Variants in PCDHGA8 observed in about 807,000 individuals in gnomAD.
PCDHGA8 encodes the protein protocadherin gamma subfamily A, 8, also known as protocadherin gamma-A8.
A neutral mutation model predicts 59.2 loss-of-function variants in PCDHGA8; 45 were observed. The observed-to-expected ratio is 0.76, with a 90% CI of 0.60 to 0.98. The LOEUF is 0.98. Ranked by LOEUF, PCDHGA8 falls within the 50% of genes least tolerant of loss-of-function variation. PCDHGA8 has a pLI of 0.00. For synonymous variants in PCDHGA8, 531 were observed against 519.0 expected (o/e 1.02, Z -0.32); for missense variants, 1,257 against 1,196.2 (o/e 1.05, Z -0.75).
At chr5:141,419,014 C>A (rs1332175722) in intron 1 of PCDHGA8, 1 of 1,613,780 alleles carries the variant, frequency 6.2e-7, no homozygotes, top group Non-Finnish European at 8.5e-7. Flanking sequence ...TCAGGTGTAG[C>A]TTAAGTAGAG....
Position 141,489,434 on chromosome 5 carries a change from A to G in PCDHGA8, c.2425-5373A>G. On this transcript the variant is annotated intron_variant, in intron 1 of 3. Transcript: ENST00000398604. This position sits in a 1 kb window ranked among gnomAD's most constrained non-coding sequence, Gnocchi z 4.5. ...ACAGATCTGTTGAGCCGGCGGCTGC[A>G]ATTGGGCTCTGAGGAGAATGGGCGC... 6.2e-7 allele frequency: 1 copy of G among 1,614,138 alleles called. No individual in the cohort carries two copies. The highest frequency in any genetic ancestry group is 8.5e-7 in the Non-Finnish European group (1 of 1,180,044).
Position 141,490,270 on chromosome 5 carries a change from A to G in PCDHGA8, c.2425-4537A>G. On this transcript the variant is annotated intron_variant, in intron 1 of 3. Coordinates refer to ENST00000398604, the MANE Select transcript of PCDHGA8 (RefSeq NM_032088.2). The surrounding 1 kb of genome is among the most constrained non-coding windows in gnomAD (Gnocchi z 5.4). The stretch of plus-strand genomic sequence containing the variant: ...GATTCAAGTGGATGTGGGGGATGTC[A>G]ATGACAATGCCCCAGAGGTGCTATT... The G allele has an allele frequency of 6.2e-7, 1 of 1,614,226 alleles. No individual in the cohort carries two copies. Among genetic ancestry groups the G allele is most frequent in the African/African-American group, 1.3e-5 (1 of 75,060 alleles).
At chr5:141,483,487 A>G (rs777951096) in intron 1 of PCDHGA8, among the ~76,000 whole-genome samples, 4 of 152,006 alleles carry the variant, frequency 2.6e-5, no homozygotes, top group Non-Finnish European at 5.9e-5. Context: ...AGTGAGGGAC[A>G]GGGATGAGTC....
intron 1 of PCDHGA8, among the ~76,000 whole-genome samples, chr5:141,460,995 A>G (rs566978077): frequency 1.1e-4 from 17 of 150,188 alleles, no homozygotes; most frequent in South Asian, 2.1e-4. Flanking sequence ...ATATATATAT[A>G]TGTGTATATA....
At chr5:141,421,376 C>T in intron 1 of PCDHGA8, 2 of 1,614,030 alleles carry the variant, frequency 1.2e-6, no homozygotes, top group Non-Finnish European at 1.7e-6. Context: ...GGCAATATCT[C>T]CAAGGACCTG....
At chr5:141,505,282 G>C (rs73280377) in intron 2 of PCDHGA8, 111 bp from the exon 3 acceptor site, 37,017 of 1,544,812 alleles carry the variant, frequency 0.024, 1,115 homozygotes, top group African/African-American at 0.15. Context: ...AACAGGTCTT[G>C]GGCATGGGGT....
intron 3 of PCDHGA8, among the ~76,000 whole-genome samples, chr5:141,507,802 T>G (rs886950696): frequency 6.6e-6 from 1 of 152,204 alleles, no homozygotes; most frequent in African/African-American, 2.4e-5. Context: ...GCCTGCGCCC[T>G]GGGGAACGGA....
intron 1 of PCDHGA8, chr5:141,414,764 A>G: frequency 6.2e-7 from 1 of 1,614,194 alleles, no homozygotes; most frequent in Non-Finnish European, 8.5e-7. Flanking sequence ...GAGCAGTTTC[A>G]TGAGCTACAG....
intron 1 of PCDHGA8, chr5:141,414,562 A>G (rs770740530): frequency 3.1e-6 from 5 of 1,613,924 alleles, no homozygotes; most frequent in Non-Finnish European, 4.2e-6. Context: ...CTCCTACTTT[A>G]CCTATATCCC....
intron 1 of PCDHGA8, among the ~76,000 whole-genome samples, chr5:141,481,710 T>C (rs1447483213): frequency 6.6e-6 from 1 of 151,556 alleles, no homozygotes; most frequent in Non-Finnish European, 1.5e-5. Context: ...TCCCAGCACT[T>C]TGGGAGGCGG....
chr5:141,423,564 G>A (rs2096754933), intron 1 of PCDHGA8: 2 of 1,613,444 alleles, frequency 1.2e-6, no homozygotes, highest in Non-Finnish European at 1.7e-6. Context: ...ATGGGGACAC[G>A]CTCATCAGCC....
At chr5:141,414,557 A>T (rs749209012) in intron 1 of PCDHGA8, 25 of 1,613,906 alleles carry the variant, frequency 1.5e-5, no homozygotes, top group Non-Finnish European at 2.0e-5. Flanking sequence ...CAAGTCTCCT[A>T]CTTTACCTAT....
chr5:141,456,715 A>G (rs2098881350), intron 1 of PCDHGA8, among the ~76,000 whole-genome samples: 1 of 152,204 alleles, frequency 6.6e-6, no homozygotes, highest in South Asian at 2.1e-4. Flanking sequence ...CTGTAATCCC[A>G]GCACTTTGGG....
chr5:141,445,188 G>A (rs1267342449), intron 1 of PCDHGA8, among the ~76,000 whole-genome samples: 5 of 152,198 alleles, frequency 3.3e-5, no homozygotes, highest in South Asian at 2.1e-4. Flanking sequence ...ATGTTTTTAT[G>A]TATTCTATAT....
chr5:141,492,553 G>C (rs1184580300), intron 1 of PCDHGA8, among the ~76,000 whole-genome samples: 1 of 152,148 alleles, frequency 6.6e-6, no homozygotes, highest in Non-Finnish European at 1.5e-5. Flanking sequence ...CGGGTCGCCT[G>C]GGGGGCGGCC....
intron 1 of PCDHGA8, chr5:141,417,570 T>A: frequency 2.7e-6 from 1 of 373,028 alleles, no homozygotes; most frequent in Non-Finnish European, 4.7e-6. Context: ...AAAAGTCAAG[T>A]TGCAGTCCCA....
chr5:141,508,979 G>A (rs1317798009), intron 3 of PCDHGA8, among the ~76,000 whole-genome samples: 1 of 152,110 alleles, frequency 6.6e-6, no homozygotes, highest in Non-Finnish European at 1.5e-5. Context: ...GCTGGGGGTG[G>A]GGGCCAGCTG....
intron 2 of PCDHGA8, among the ~76,000 whole-genome samples, chr5:141,497,171 C>T (rs991574648): frequency 6.6e-6 from 1 of 151,148 alleles, no homozygotes; most frequent in African/African-American, 2.5e-5. Context: ...CCACAAATCA[C>T]AGTAAGTTCT....
At position 141,490,076 on chromosome 5, in the gene PCDHGA8, A is replaced by G. The variant is rs1025569516; in HGVS notation, c.2425-4731A>G. 2.5e-6 allele frequency: 4 copies of G among 1,614,240 alleles called. No homozygotes were observed. The highest frequency in any genetic ancestry group is 1.3e-5 in the African/African-American group (1 of 75,070). Reference sequence around the variant, plus strand: ...GAGGGCACCAACGGCCAACTAGACTATTCTTTTGGAGACCACACATCTGAG... The same window carrying G: ...GAGGGCACCAACGGCCAACTAGACTGTTCTTTTGGAGACCACACATCTGAG... On this transcript the variant is annotated intron_variant, in intron 1 of 3. Coordinates refer to ENST00000398604, the MANE Select transcript of PCDHGA8 (RefSeq NM_032088.2). The surrounding 1 kb of genome is among the most constrained non-coding windows in gnomAD (Gnocchi z 5.4).
Sources: gnomAD v4.1 joint callset for allele counts (sites outside exome capture counted in the v4.1 genomes callset) on GRCh38, gnomAD v4.1.1 for gene constraint, Gnocchi (gnomAD v3.1) non-coding constraint, MANE v1.5 for transcripts, NCBI Gene and HGNC (gene_info 2026-07-23, HGNC 2026-07-21) for gene names.